The following IL1RAPL2 variants were observed in gnomAD, a reference collection of about 807,000 sequenced individuals.
IL1RAPL2 encodes X-linked interleukin-1 receptor accessory protein-like 2.
Under a neutral mutation model 44.1 loss-of-function variants are expected in IL1RAPL2, and 3 were observed. That is an observed-to-expected ratio of 0.07 (90% confidence interval 0.03 to 0.18). The LOEUF is 0.18. IL1RAPL2 is among the 10% of genes least tolerant of loss of function. IL1RAPL2 has a pLI of 1.00. For missense variants in IL1RAPL2, 391 were observed against 496.4 expected, an observed-to-expected ratio of 0.79 and a Z score of 2.02; for synonymous variants, 181 against 178.8, an observed-to-expected ratio of 1.01 and a Z score of -0.10.
intron 2 of IL1RAPL2, among the ~76,000 whole-genome samples, chrX:104,902,601 AGC>A (rs1923852524): frequency 8.9e-6 from 1 of 112,096 alleles, no homozygotes; most frequent in Non-Finnish European, 1.9e-5. Context: ...TTCAGCCTCA[AGC>A]CTAACAGATT....
chrX:105,328,027 G>A (rs774239781), intron 5 of IL1RAPL2, among the ~76,000 whole-genome samples: 1 of 111,532 alleles, frequency 9.0e-6, no homozygotes, highest in South Asian at 3.8e-4. Context: ...CCATTATGAT[G>A]TCTTTTCAGC....
intron 6 of IL1RAPL2, among the ~76,000 whole-genome samples, chrX:105,519,032 A>G (rs1001930245): frequency 1.3e-4 from 14 of 111,654 alleles, no homozygotes; most frequent in African/African-American, 4.2e-4. Context: ...TGAGGAAAGT[A>G]AGGCCCAGAA....
At chrX:105,300,734 A>G (rs973852562) in intron 5 of IL1RAPL2, among the ~76,000 whole-genome samples, 2 of 111,209 alleles carry the variant, frequency 1.8e-5, no homozygotes, top group African/African-American at 6.6e-5. Context: ...GAAGTTTCAC[A>G]CATTAAAAGC....
At chrX:104,737,123 A>C (rs995156823) in intron 2 of IL1RAPL2, among the ~76,000 whole-genome samples, 7 of 112,801 alleles carry the variant, frequency 6.2e-5, no homozygotes, top group Non-Finnish European at 1.3e-4. Flanking sequence ...TCTCAGTTCA[A>C]GTCAGCTCAA....
intron 2 of IL1RAPL2, among the ~76,000 whole-genome samples, chrX:105,074,596 A>G: frequency 9.4e-6 from 1 of 106,944 alleles, no homozygotes; most frequent in Non-Finnish European, 1.9e-5. Flanking sequence ...TGGTAGCTTG[A>G]TGGGGATGGC....
intron 6 of IL1RAPL2, among the ~76,000 whole-genome samples, chrX:105,665,734 G>GTTTTTTTTT (rs751379332): frequency 6.4e-5 from 4 of 62,503 alleles, no homozygotes; most frequent in African/African-American, 2.5e-4. Context: ...TTGTTTTTTT[G>GTTTTTTTTT]TTTTTTTGTT....
chrX:105,541,643 G>A (rs750584811), intron 6 of IL1RAPL2, among the ~76,000 whole-genome samples: 3 of 110,379 alleles, frequency 2.7e-5, no homozygotes, highest in East Asian at 5.7e-4. Context: ...ATTTCTCTTG[G>A]GTCTGCCCCT....
At position 105,363,289 on chromosome X, in the gene IL1RAPL2, A is replaced by AATAT. The variant is rs61486978; in HGVS notation, c.697+95764_697+95767dup. 3.5e-3 allele frequency among the ~76,000 whole-genome samples: 266 copies of AATAT among 76,198 alleles called. 1 individual carries two copies. The highest frequency in any genetic ancestry group is 4.4e-3 in the Non-Finnish European group (198 of 45,386). The allele number at this position is 76,198 out of a possible 115,157, so 66.2% of individuals were successfully genotyped here. The stretch of plus-strand genomic sequence containing the variant: ...TATATATATGTGTGTATATATATAT[A>AATAT]ATATATATATATATATATAATATAT... On this transcript the variant is annotated intron_variant, in intron 5 of 10. Transcript: ENST00000372582.
intron 7 of IL1RAPL2, among the ~76,000 whole-genome samples, chrX:105,734,633 G>A (rs2038432124): frequency 2.3e-5 from 1 of 43,792 alleles, no homozygotes; most frequent in Non-Finnish European, 4.1e-5. Flanking sequence ...CTGGCCTCAA[G>A]TGATCCTCTA....
At chrX:104,922,025 G>A (rs912058906) in intron 2 of IL1RAPL2, among the ~76,000 whole-genome samples, 5 of 112,192 alleles carry the variant, frequency 4.5e-5, no homozygotes, top group African/African-American at 1.6e-4. Flanking sequence ...TAGCCCGAGA[G>A]CAGCCCCTAG....
intron 1 of IL1RAPL2, among the ~76,000 whole-genome samples, chrX:104,603,201 C>T (rs948955033): frequency 2.7e-5 from 3 of 111,225 alleles, no homozygotes; most frequent in Non-Finnish European, 3.8e-5. Flanking sequence ...TGGGAGTGGA[C>T]CTCCAGCAAA....
chrX:105,722,081 C>A (rs1281512056), intron 7 of IL1RAPL2, among the ~76,000 whole-genome samples: 2 of 111,620 alleles, frequency 1.8e-5, no homozygotes, highest in Non-Finnish European at 1.9e-5. Flanking sequence ...CATATACAAA[C>A]CTAGATTATA....
intron 2 of IL1RAPL2, among the ~76,000 whole-genome samples, chrX:104,967,368 T>A (rs1268307893): frequency 9.0e-6 from 1 of 110,643 alleles, no homozygotes; most frequent in African/African-American, 3.3e-5. Context: ...AAGTGAAAGA[T>A]GAAAAAAAGT....
At chrX:105,492,615 T>C (rs751444530) in intron 6 of IL1RAPL2, among the ~76,000 whole-genome samples, 1 of 109,749 alleles carries the variant, frequency 9.1e-6, no homozygotes, top group South Asian at 3.8e-4. Flanking sequence ...GTAGTAGTAG[T>C]AGTGGCAGTG....
chrX:105,011,011 T>G (rs2077830562), intron 2 of IL1RAPL2, among the ~76,000 whole-genome samples: 1 of 110,723 alleles, frequency 9.0e-6, no homozygotes, highest in South Asian at 3.8e-4. Context: ...AGTAAGCTCT[T>G]GAATGAAAGT....
chrX:105,502,638 A>AC (rs1472502268), intron 6 of IL1RAPL2, among the ~76,000 whole-genome samples: 1 of 110,816 alleles, frequency 9.0e-6, no homozygotes, highest in Non-Finnish European at 1.9e-5. Flanking sequence ...TGGTCAGCTA[A>AC]CCCCCCAAAC....
rs187949653 is a variant in IL1RAPL2, at chrX:105,460,640, A to T, written c.698-23673A>T. Among the ~76,000 whole-genome samples the T allele has an allele frequency of 9.8e-5, 11 of 111,732 alleles. No homozygotes were observed. In the East Asian group the frequency reaches 3.1e-3, roughly 32 times the overall value. On this transcript the variant is annotated intron_variant, in intron 5 of 10. Transcript: ENST00000372582. ...TAACCCTTTCTCTTCCCTCACTCTG[A>T]AATTAAAGGTCAGGGATCTCTCACT...
intron 2 of IL1RAPL2, among the ~76,000 whole-genome samples, chrX:104,836,510 A>T (rs964947377): frequency 2.7e-5 from 3 of 110,419 alleles, no homozygotes; most frequent in African/African-American, 9.9e-5. Context: ...CCTACATCAA[A>T]ATATCTCATG....
chrX:105,563,265 C>T (rs889759066), intron 6 of IL1RAPL2, among the ~76,000 whole-genome samples: 2 of 111,580 alleles, frequency 1.8e-5, no homozygotes, highest in African/African-American at 6.5e-5. Context: ...GTTAACTTGT[C>T]CAAGGAAACA....
Sources: allele counts gnomAD v4.1 joint callset (sites outside exome capture counted in the v4.1 genomes callset), GRCh38; gene constraint gnomAD v4.1.1; transcripts MANE v1.5; gene names NCBI Gene and HGNC (gene_info 2026-07-23, HGNC 2026-07-21).